CYB5R4: variants seen among roughly 807,000 people sequenced by gnomAD.
CYB5R4 encodes cytochrome b5 reductase 4.
A neutral mutation model predicts 70.2 loss-of-function variants in CYB5R4; 55 were observed. The ratio of observed to expected loss-of-function variants is 0.78; its 90% confidence interval spans 0.63 to 0.98. The LOEUF (loss-of-function observed/expected upper bound fraction) is 0.98, where lower values mean the gene tolerates loss of function less well. CYB5R4 is among the 50% of genes least tolerant of loss of function. CYB5R4 has a pLI of 0.00. For missense variants in CYB5R4, 562 were observed against 612.6 expected, an observed-to-expected ratio of 0.92 and a Z score of 0.87; for synonymous variants, 197 against 199.5, an observed-to-expected ratio of 0.99 and a Z score of 0.11.
At chr6:83,955,823 C>T (rs1489540735) in intron 15 of CYB5R4, among the ~76,000 whole-genome samples, 1 of 152,102 alleles carries the variant, frequency 6.6e-6, no homozygotes, top group Non-Finnish European at 1.5e-5. Context: ...ATGTTCATCT[C>T]ATTGTAGCTT....
intron 2 of CYB5R4, among the ~76,000 whole-genome samples, chr6:83,867,795 A>G (rs1180532488): frequency 1.3e-5 from 2 of 152,198 alleles, no homozygotes; most frequent in South Asian, 2.1e-4. Context: ...TTATGTAACC[A>G]TGTCATGTGA....
intron 11 of CYB5R4, 110 bp from the exon 12 acceptor site, chr6:83,936,114 G>T (rs1027336402): frequency 4.4e-6 from 3 of 675,002 alleles, no homozygotes; most frequent in Non-Finnish European, 7.4e-6. Flanking sequence ...TGCCCATTAG[G>T]TATATAGTTT....
chr6:83,868,398 C>T (rs540262653), intron 2 of CYB5R4, among the ~76,000 whole-genome samples: 19 of 152,104 alleles, frequency 1.2e-4, no homozygotes, highest in East Asian at 9.7e-4. Context: ...TCAGGTGTGC[C>T]GAGCCTAGTC....
At chr6:83,944,669 G>T (rs1490723004) in intron 14 of CYB5R4, among the ~76,000 whole-genome samples, 1 of 152,056 alleles carries the variant, frequency 6.6e-6, no homozygotes, top group Non-Finnish European at 1.5e-5. Flanking sequence ...AGACCCATCA[G>T]TGTGCCGTGT....
intron 2 of CYB5R4, among the ~76,000 whole-genome samples, chr6:83,889,224 C>T (rs1009992330): frequency 7.2e-5 from 11 of 152,192 alleles, no homozygotes; most frequent in African/African-American, 2.2e-4. Flanking sequence ...TAGTTGAATA[C>T]ACGAAACAAC....
chr6:83,949,102 T>C (rs1012311760), intron 14 of CYB5R4, among the ~76,000 whole-genome samples: 1 of 150,736 alleles, frequency 6.6e-6, no homozygotes, highest in African/African-American at 2.4e-5. Context: ...CATAGACTCC[T>C]GGCGTTTTGG....
At chr6:83,863,891 C>T (rs771670806) in intron 1 of CYB5R4, among the ~76,000 whole-genome samples, 1 of 152,104 alleles carries the variant, frequency 6.6e-6, no homozygotes, top group Non-Finnish European at 1.5e-5. Context: ...TTATATGAGA[C>T]ACTTGAGCAT....
intron 2 of CYB5R4, among the ~76,000 whole-genome samples, chr6:83,874,374 T>A (rs938062601): frequency 2.6e-5 from 4 of 150,980 alleles, no homozygotes; most frequent in South Asian, 2.1e-4. Context: ...AAAAAAAAAA[T>A]TATTTTTTTG....
intron 5 of CYB5R4, among the ~76,000 whole-genome samples, chr6:83,917,477 G>A (rs1004252603): frequency 6.6e-6 from 1 of 152,078 alleles, no homozygotes; most frequent in Non-Finnish European, 1.5e-5. Flanking sequence ...CAACCTGAAT[G>A]TTCATCAACA....
rs560772875 is a variant in CYB5R4, at chr6:83,926,336, G to A, written c.814+1744G>A. The A allele has an allele frequency of 2.1e-3, 324 of 151,998 alleles. 4 individuals are homozygous for A. The highest frequency in any genetic ancestry group is 0.014 in the Middle Eastern group (4 of 296). 9.4% of individuals were successfully genotyped at this position (151,998 alleles called of 1,614,324 possible). A position where few individuals can be genotyped will look rare whatever the true frequency, so the allele number is the denominator to read the frequency against. On this transcript the variant is annotated intron_variant, in intron 10 of 15. Coordinates refer to ENST00000369681, the MANE Select transcript of CYB5R4 (RefSeq NM_016230.4). ...GGCCTAGCTTCTGGTATATCTGTAAGCGTCACTTAATTTTTTCTTTCTTTT... is the reference window on the plus strand; with the variant it reads ...GGCCTAGCTTCTGGTATATCTGTAAACGTCACTTAATTTTTTCTTTCTTTT...
chr6:83,912,010 T>G (rs1219544758), intron 4 of CYB5R4, among the ~76,000 whole-genome samples: 1 of 141,064 alleles, frequency 7.1e-6, no homozygotes, highest in Non-Finnish European at 1.5e-5. Flanking sequence ...TGAGCCGAGA[T>G]ATCACCACTG....
At position 83,964,163 on chromosome 6, in the gene CYB5R4, C is replaced by T. The variant is rs570472999; in HGVS notation, c.*4285C>T. The T allele has an allele frequency of 3.3e-4, 52 of 155,816 alleles. No homozygotes were observed. The highest frequency in any genetic ancestry group is 1.0e-3 in the African/African-American group (43 of 41,492). 9.7% of individuals were successfully genotyped at this position (155,816 alleles called of 1,614,324 possible). ...AGAGCAGGTGTTGCTGCAAAGATAC[C>T]GGGAAATGTGGAAGCAACTTTGGAA... On this transcript the variant is annotated 3_prime_UTR_variant, in exon 16 of 16. Coordinates refer to ENST00000369681, the MANE Select transcript of CYB5R4 (RefSeq NM_016230.4).
chr6:83,952,713 A>C (rs772376144), intron 14 of CYB5R4, among the ~76,000 whole-genome samples: 1 of 152,186 alleles, frequency 6.6e-6, no homozygotes, highest in Non-Finnish European at 1.5e-5. Flanking sequence ...AGGAAACAAG[A>C]TAGGCTAAAA....
At chr6:83,914,814 C>A (rs148541985) in intron 5 of CYB5R4, among the ~76,000 whole-genome samples, 41 of 148,936 alleles carry the variant, frequency 2.8e-4, no homozygotes, top group Non-Finnish European at 5.5e-4. Flanking sequence ...GGATTACGGG[C>A]GTGAGCCACT....
intron 2 of CYB5R4, among the ~76,000 whole-genome samples, chr6:83,871,337 T>C (rs1003186522): frequency 2.6e-5 from 4 of 152,214 alleles, no homozygotes; most frequent in Non-Finnish European, 5.9e-5. Context: ...TTCACATGAT[T>C]ATGCAAATAA....
chr6:83,940,989 G>C (rs1562844573), intron 14 of CYB5R4, among the ~76,000 whole-genome samples: 1 of 152,148 alleles, frequency 6.6e-6, no homozygotes, highest in Non-Finnish European at 1.5e-5. Flanking sequence ...CATGATATGG[G>C]ATTTCTAAAG....
intron 3 of CYB5R4, among the ~76,000 whole-genome samples, chr6:83,895,307 A>G (rs115035009): frequency 0.013 from 1,920 of 152,128 alleles, 43 homozygotes; most frequent in African/African-American, 0.044. Flanking sequence ...CTGAGATTAC[A>G]GGAGTGTGCC....
intron 12 of CYB5R4, among the ~76,000 whole-genome samples, chr6:83,938,094 A>G (rs908211631): frequency 6.6e-6 from 1 of 152,230 alleles, no homozygotes; most frequent in Non-Finnish European, 1.5e-5. Context: ...TCTACTTCAC[A>G]TAATAGATAT....
chr6:83,924,436 C>T (rs1431036223), intron 9 of CYB5R4, 34 bp from the exon 10 acceptor site: 3 of 1,604,384 alleles, frequency 1.9e-6, no homozygotes, highest in South Asian at 1.1e-5. Context: ...TATTTAGTAT[C>T]GATGAACACA....
Sources: gnomAD v4.1 joint callset for allele counts (sites outside exome capture counted in the v4.1 genomes callset) on GRCh38, gnomAD v4.1.1 for gene constraint, MANE v1.5 for transcripts, NCBI Gene and HGNC (gene_info 2026-07-23, HGNC 2026-07-21) for gene names.